Variants in DLGAP4 observed in about 807,000 individuals in gnomAD.
DLGAP4 encodes DLG associated protein 4.
DLGAP4 carries 18 observed loss-of-function variants against 86.9 expected under a neutral mutation model. That is an observed-to-expected ratio of 0.21 (90% CI 0.14 to 0.31). The LOEUF is 0.31. Among genes scored for constraint, DLGAP4 ranks in the 10% least tolerant of loss-of-function variants. DLGAP4 has a pLI of 1.00. For missense variants in DLGAP4, 1,085 were observed against 1,362.6 expected, an observed-to-expected ratio of 0.80 and a Z score of 3.21; for synonymous variants, 548 against 574.3, an observed-to-expected ratio of 0.95 and a Z score of 0.65.
At chr20:36,502,858 G>A (rs1333076704) in intron 10 of DLGAP4, among the ~76,000 whole-genome samples, 2 of 151,786 alleles carry the variant, frequency 1.3e-5, no homozygotes, top group East Asian at 3.9e-4. Context: ...CGAGTAGCTG[G>A]GATTACAGGT....
At chr20:36,468,073 CT>C (rs2034497015) in intron 7 of DLGAP4, among the ~76,000 whole-genome samples, 1 of 152,252 alleles carries the variant, frequency 6.6e-6, no homozygotes, top group African/African-American at 2.4e-5. Flanking sequence ...GCCCACAAAT[CT>C]TGCTTTCTAA....
intron 2 of DLGAP4, among the ~76,000 whole-genome samples, chr20:36,374,032 CAAAAAA>C (rs11472489): frequency 1.7e-4 from 20 of 115,658 alleles, no homozygotes; most frequent in Admixed American, 1.0e-3. Flanking sequence ...GAGACTGTCT[CAAAAAA>C]AAAAAAAAAA....
chr20:36,499,835 G>C (rs1029578811), intron 9 of DLGAP4, among the ~76,000 whole-genome samples, 159 bp downstream of exon 9: 1 of 152,166 alleles, frequency 6.6e-6, no homozygotes, highest in East Asian at 1.9e-4. Flanking sequence ...AGGCTGGGCA[G>C]GGGCGGGCGG....
chr20:36,367,869 T>C (rs1399100670), intron 2 of DLGAP4, among the ~76,000 whole-genome samples: 1 of 152,196 alleles, frequency 6.6e-6, no homozygotes, highest in Non-Finnish European at 1.5e-5. Context: ...GCTGCTTGCA[T>C]CTTTTCTTCA....
chr20:36,414,126 C>T (rs1600499193), intron 2 of DLGAP4, among the ~76,000 whole-genome samples: 1 of 152,268 alleles, frequency 6.6e-6, no homozygotes, highest in East Asian at 1.9e-4. Context: ...ATGAAGAAAA[C>T]TGAGATGAAA....
intron 7 of DLGAP4, among the ~76,000 whole-genome samples, chr20:36,480,449 A>G (rs572553601): frequency 3.9e-5 from 6 of 152,344 alleles, no homozygotes; most frequent in African/African-American, 1.4e-4. Flanking sequence ...TCACGCCTGT[A>G]ATCCCAGCAC....
At chr20:36,359,190 G>C (rs1001177150) in intron 1 of DLGAP4, among the ~76,000 whole-genome samples, 5 of 152,122 alleles carry the variant, frequency 3.3e-5, no homozygotes, top group African/African-American at 7.2e-5. Flanking sequence ...CACGATCTCG[G>C]CTCACTGTAA....
At position 36,500,766 on chromosome 20, in the gene DLGAP4, TTCCA is replaced by T. The variant is rs1331879037; in HGVS notation, c.2512+164_2512+167del. 6.6e-6 allele frequency among the ~76,000 whole-genome samples: 1 copy of T among 152,214 alleles called. No homozygotes were observed. Among genetic ancestry groups the T allele is most frequent in the East Asian group, 1.9e-4 (1 of 5,194 alleles). Reference sequence around the variant, plus strand: ...CTCCCTTCTTACTTTCTTCGCATTCTTCCATCCATCCACCTATTTAACCAAACCT... The same window carrying T: ...CTCCCTTCTTACTTTCTTCGCATTCTTCCATCCACCTATTTAACCAAACCT... On this transcript the variant is annotated intron_variant, in intron 10 of 12. Transcript: ENST00000339266. The surrounding 1 kb of genome is among the most constrained non-coding windows in gnomAD (Gnocchi z 4.6).
intron 3 of DLGAP4, among the ~76,000 whole-genome samples, chr20:36,434,029 C>G (rs1470462052): frequency 1.3e-5 from 2 of 151,068 alleles, no homozygotes; most frequent in East Asian, 3.9e-4. Flanking sequence ...CTGCAACCTC[C>G]GCCTCCTGGG....
chr20:36,354,137 A>T (rs1172863638), intron 1 of DLGAP4, among the ~76,000 whole-genome samples: 2 of 152,100 alleles, frequency 1.3e-5, no homozygotes, highest in African/African-American at 2.4e-5. Flanking sequence ...GGGACTTGTC[A>T]ACTCCACTGG....
intron 1 of DLGAP4, among the ~76,000 whole-genome samples, chr20:36,313,606 G>T (rs947935192): frequency 1.3e-5 from 2 of 152,056 alleles, no homozygotes; most frequent in Admixed American, 6.5e-5. Context: ...CCTGCTGCTG[G>T]GGGGGCAGGG....
chr20:36,353,749 C>T (rs556976709), intron 1 of DLGAP4, among the ~76,000 whole-genome samples: 8 of 152,296 alleles, frequency 5.3e-5, no homozygotes, highest in African/African-American at 1.9e-4. Flanking sequence ...GAAGAGGAGC[C>T]GGCAAAGGCA....
chr20:36,476,047 CAG>C (rs1322776682), intron 7 of DLGAP4, among the ~76,000 whole-genome samples: 5 of 151,786 alleles, frequency 3.3e-5, no homozygotes, highest in Admixed American at 6.6e-5. Context: ...TTAGTAGAGA[CAG>C]GGTTTCACCA....
At position 36,306,790 on chromosome 20, in the gene DLGAP4, C is replaced by T. The variant is rs868912924; in HGVS notation, c.-304+278C>T. Among the ~76,000 whole-genome samples the T allele has an allele frequency of 6.6e-6, 1 of 152,194 alleles. No homozygotes were observed. The highest frequency in any genetic ancestry group is 2.4e-5 in the African/African-American group (1 of 41,452). On this transcript the variant is annotated intron_variant, in intron 1 of 12. Coordinates refer to ENST00000339266, the MANE Select transcript of DLGAP4 (RefSeq NM_001365621.2). The surrounding 1 kb of genome is among the most constrained non-coding windows in gnomAD (Gnocchi z 4.9). ...AATCGGGGGCGGCGGCACCGGGGCC[C>T]GGAACCCCTGTCCGGGACCGGATCC...
intron 10 of DLGAP4, among the ~76,000 whole-genome samples, chr20:36,522,970 A>C (rs1194118496): frequency 6.6e-6 from 1 of 152,144 alleles, no homozygotes; most frequent in African/African-American, 2.4e-5. Flanking sequence ...GATCCTCCCA[A>C]GTAGCTGGGG....
chr20:36,462,774 G>A (rs2034157350), intron 7 of DLGAP4, among the ~76,000 whole-genome samples: 1 of 152,230 alleles, frequency 6.6e-6, no homozygotes, highest in Admixed American at 6.5e-5. Context: ...GAGGGAGTGG[G>A]GGGCCTTCCT....
chr20:36,475,107 A>G (rs370980481), intron 7 of DLGAP4, among the ~76,000 whole-genome samples: 2 of 151,630 alleles, frequency 1.3e-5, no homozygotes, highest in African/African-American at 4.9e-5. Flanking sequence ...CAGGAGAGGT[A>G]GGGGTTACAT....
chr20:36,340,384 C>T (rs1224500718), intron 1 of DLGAP4, among the ~76,000 whole-genome samples: 13 of 152,176 alleles, frequency 8.5e-5, no homozygotes, highest in Non-Finnish European at 1.8e-4. Flanking sequence ...GTTCCCCGCA[C>T]GTGGCTGCTT....
intron 11 of DLGAP4, among the ~76,000 whole-genome samples, chr20:36,525,019 C>T (rs573326540): frequency 1.3e-5 from 2 of 151,420 alleles, no homozygotes; most frequent in South Asian, 2.1e-4. Context: ...GAGATGGAGA[C>T]CCTCCTGGCT....
Sources: allele counts gnomAD v4.1 joint callset (sites outside exome capture counted in the v4.1 genomes callset), GRCh38; gene constraint gnomAD v4.1.1; non-coding constraint Gnocchi (gnomAD v3.1); transcripts MANE v1.5; gene names NCBI Gene and HGNC (gene_info 2026-07-23, HGNC 2026-07-21).